Variants in ANKRD12 observed in about 807,000 individuals in gnomAD.
ANKRD12 encodes ankyrin repeat domain-containing protein 12.
A neutral mutation model predicts 183.4 loss-of-function variants in ANKRD12; 85 were observed. That is an observed-to-expected ratio of 0.46 (90% CI 0.39 to 0.56). ANKRD12 has a LOEUF of 0.56. Ranked by LOEUF, ANKRD12 falls within the 20% of genes least tolerant of loss-of-function variation. The pLI is 0.00. For missense variants in ANKRD12, 2,405 were observed against 2,357.1 expected (o/e 1.02, Z -0.42); for synonymous variants, 914 against 800.2 (o/e 1.14, Z -2.40).
At chr18:9,204,841 C>T (rs997967305) in intron 4 of ANKRD12, among the ~76,000 whole-genome samples, 1 of 152,120 alleles carries the variant, frequency 6.6e-6, no homozygotes. Flanking sequence ...AAAGTCAACC[C>T]CTGGTGGTGC....
At chr18:9,262,770 G>A (rs889293199) in intron 9 of ANKRD12, among the ~76,000 whole-genome samples, 2 of 127,264 alleles carry the variant, frequency 1.6e-5, no homozygotes, top group African/African-American at 5.8e-5. Context: ...GAGCCACCAT[G>A]CCCAGCCAAG....
chr18:9,206,751 T>C (rs2035510360), intron 4 of ANKRD12, among the ~76,000 whole-genome samples: 1 of 152,116 alleles, frequency 6.6e-6, no homozygotes. Context: ...AGCATGGCAT[T>C]CTAATGATGC....
intron 1 of ANKRD12, among the ~76,000 whole-genome samples, chr18:9,144,735 T>C (rs2078436228): frequency 6.6e-6 from 1 of 152,172 alleles, no homozygotes; most frequent in Non-Finnish European, 1.5e-5. Flanking sequence ...TATACATATC[T>C]AGTAAGTGAT....
chr18:9,270,128 A>G (rs1241285452), intron 10 of ANKRD12, among the ~76,000 whole-genome samples: 5 of 152,164 alleles, frequency 3.3e-5, no homozygotes, highest in African/African-American at 9.7e-5. Flanking sequence ...TGCTGGAGAG[A>G]ATGTGGAGAA....
intron 1 of ANKRD12, among the ~76,000 whole-genome samples, chr18:9,160,262 G>C (rs2031224062): frequency 6.6e-6 from 1 of 152,126 alleles, no homozygotes; most frequent in African/African-American, 2.4e-5. Flanking sequence ...ACCACAGACT[G>C]TGCTGAGGCA....
intron 7 of ANKRD12, among the ~76,000 whole-genome samples, chr18:9,218,049 C>T (rs2036209634): frequency 6.6e-6 from 1 of 152,044 alleles, no homozygotes; most frequent in Non-Finnish European, 1.5e-5. Flanking sequence ...TTAAATAGTG[C>T]CCTTTTAAAA....
chr18:9,154,613 A>T (rs998189516), intron 1 of ANKRD12, among the ~76,000 whole-genome samples: 1 of 152,186 alleles, frequency 6.6e-6, no homozygotes, highest in Non-Finnish European at 1.5e-5. Flanking sequence ...GGGGGTGTGT[A>T]TAAGGTGGAG....
At position 9,284,665 on chromosome 18, in the gene ANKRD12, T is replaced by G. The variant is rs532281244; in HGVS notation, c.*3539T>G. On this transcript the variant is annotated 3_prime_UTR_variant, in exon 13 of 13. Coordinates refer to ENST00000262126, the MANE Select transcript of ANKRD12 (RefSeq NM_015208.5). ...AGCCGTCTTTGTACCTAAAATGGAG[T>G]TTTTTTTTAAGCCTCCACAGAGATA... is the stretch of plus-strand genomic sequence containing the variant. 11 of 150,354 alleles carry G rather than the reference T, an allele frequency of 7.3e-5. No individual in the cohort carries two copies. The South Asian group carries it at 1.0e-3, about 14-fold the overall frequency. The allele number at this position is 150,354 out of a possible 1,614,324, so 9.3% of individuals were successfully genotyped here.
rs1380874817 is a variant in ANKRD12 at position 9,279,774 on chromosome 18, G to T, written c.6003+130G>T. ...GGTTAGTCATGAATCCTCACACTGG[G>T]CCACAATTGGAAAGATAAAGACCAC... On this transcript the variant is annotated intron_variant, in intron 12 of 12. Coordinates refer to ENST00000262126, the MANE Select transcript of ANKRD12 (RefSeq NM_015208.5). The T allele has an allele frequency of 8.8e-6, 5 of 570,508 alleles. No homozygotes were observed. In the African/African-American group the frequency reaches 9.6e-5, roughly 11 times the overall value. The allele number at this position is 570,508 out of a possible 1,614,324, so 35.3% of individuals were successfully genotyped here.
At chr18:9,167,866 G>A (rs1424946402) in intron 1 of ANKRD12, among the ~76,000 whole-genome samples, 1 of 152,118 alleles carries the variant, frequency 6.6e-6, no homozygotes, top group Non-Finnish European at 1.5e-5. Flanking sequence ...GTCATACATA[G>A]CTCTTATTGT....
rs73394127 is a variant in ANKRD12 at position 9,214,371 on chromosome 18, G to C, written c.653-2387G>C. 4.0e-3 allele frequency among the ~76,000 whole-genome samples: 609 copies of C among 152,156 alleles called. 2 individuals carry two copies. Among genetic ancestry groups the C allele is most frequent in the African/African-American group, 0.014 (565 of 41,514 alleles). ...AAATCATAGCTGCATAAAATTTACT[G>C]TAGTACATATTATACTCCTGTAATA... On this transcript the variant is annotated intron_variant, in intron 6 of 12. Coordinates refer to ENST00000262126, the MANE Select transcript of ANKRD12 (RefSeq NM_015208.5).
chr18:9,202,125 C>CT (rs1486190913), intron 3 of ANKRD12, among the ~76,000 whole-genome samples: 1 of 152,094 alleles, frequency 6.6e-6, no homozygotes, highest in Non-Finnish European at 1.5e-5. Context: ...CGCGCCCAGC[C>CT]TTTTTTGGCA....
At chr18:9,147,605 T>G (rs1266936374) in intron 1 of ANKRD12, among the ~76,000 whole-genome samples, 1 of 152,210 alleles carries the variant, frequency 6.6e-6, no homozygotes, top group Admixed American at 6.5e-5. Context: ...CTCTTCCATC[T>G]TAAGTCTGTT....
intron 8 of ANKRD12, among the ~76,000 whole-genome samples, chr18:9,247,119 A>G (rs929628968): frequency 9.9e-5 from 15 of 152,044 alleles, no homozygotes; most frequent in Non-Finnish European, 2.9e-5. Context: ...GTTGGGCAAA[A>G]AGGATGCTGA....
intron 8 of ANKRD12, among the ~76,000 whole-genome samples, chr18:9,240,539 A>T (rs760081190): frequency 6.6e-6 from 1 of 152,192 alleles, no homozygotes; most frequent in African/African-American, 2.4e-5. Flanking sequence ...TTAATTGCCA[A>T]AGTAGAGGTT....
intron 5 of ANKRD12, among the ~76,000 whole-genome samples, chr18:9,211,253 A>G (rs948404936): frequency 6.6e-6 from 1 of 152,188 alleles, no homozygotes; most frequent in Non-Finnish European, 1.5e-5. Context: ...GAATAATAGC[A>G]TAACATACCT....
intron 1 of ANKRD12, among the ~76,000 whole-genome samples, chr18:9,175,516 G>A (rs2033179977): frequency 8.5e-6 from 1 of 118,188 alleles, no homozygotes; most frequent in Non-Finnish European, 1.8e-5. Flanking sequence ...GTTTTTCAAA[G>A]GCTCCTCTTT....
chr18:9,178,863 T>C (rs1442639320), intron 1 of ANKRD12, among the ~76,000 whole-genome samples: 1 of 152,210 alleles, frequency 6.6e-6, no homozygotes, highest in Non-Finnish European at 1.5e-5. Context: ...TACAGTCTTA[T>C]ATACTTTTGT....
At chr18:9,185,578 A>T (rs557974391) in intron 2 of ANKRD12, among the ~76,000 whole-genome samples, 4 of 152,258 alleles carry the variant, frequency 2.6e-5, no homozygotes, top group South Asian at 2.1e-4. Context: ...GCAGTTGCAT[A>T]TGAGTGTAAG....
Sources: gnomAD v4.1 joint callset for allele counts (sites outside exome capture counted in the v4.1 genomes callset) on GRCh38, gnomAD v4.1.1 for gene constraint, MANE v1.5 for transcripts, NCBI Gene and HGNC (gene_info 2026-07-23, HGNC 2026-07-21) for gene names.